The following MACROD2 variants were observed in gnomAD, a reference collection of about 807,000 sequenced individuals.
MACROD2 encodes mono-ADP ribosylhydrolase 2.
A neutral mutation model predicts 70.4 loss-of-function variants in MACROD2; 36 were observed. That is an observed-to-expected ratio of 0.51 (90% CI 0.39 to 0.68). The LOEUF (loss-of-function observed/expected upper bound fraction) is 0.68, where lower values mean the gene tolerates loss of function less well. Among genes scored for constraint, MACROD2 ranks in the 30% least tolerant of loss-of-function variants. The pLI, the probability that MACROD2 is intolerant of heterozygous loss-of-function variation, is 0.00. For missense variants in MACROD2, 496 were observed against 538.4 expected, an observed-to-expected ratio of 0.92 and a Z score of 0.78; for synonymous variants, 172 against 178.8, an observed-to-expected ratio of 0.96 and a Z score of 0.30.
At chr20:15,305,680 C>T (rs2077691096) in intron 6 of MACROD2, among the ~76,000 whole-genome samples, 2 of 151,948 alleles carry the variant, frequency 1.3e-5, no homozygotes, top group South Asian at 4.1e-4. Context: ...TGTGCGCGCA[C>T]ACATGTGTGT....
chr20:15,001,943 GCC>G (rs1180204834), intron 5 of MACROD2, among the ~76,000 whole-genome samples: 4 of 147,374 alleles, frequency 2.7e-5, no homozygotes, highest in African/African-American at 1.0e-4. Flanking sequence ...GCGTGTGCAT[GCC>G]CACACACACA....
chr20:14,839,152 A>G (rs933027490), intron 5 of MACROD2, among the ~76,000 whole-genome samples: 2 of 152,066 alleles, frequency 1.3e-5, no homozygotes, highest in African/African-American at 2.4e-5. Flanking sequence ...GGAGAAGTGC[A>G]TATTATCCAT....
At chr20:15,139,762 A>C (rs1316660116) in intron 5 of MACROD2, among the ~76,000 whole-genome samples, 1 of 152,182 alleles carries the variant, frequency 6.6e-6, no homozygotes, top group East Asian at 1.9e-4. Flanking sequence ...GTGTCAATAC[A>C]CCTTGGCTCA....
At chr20:15,937,587 A>G (rs2065684735) in intron 12 of MACROD2, 43 bp downstream of exon 12, 1 of 1,568,934 alleles carries the variant, frequency 6.4e-7, no homozygotes, top group Admixed American at 1.7e-5. Context: ...AGACTCTTAA[A>G]AGAGACTGTT....
At chr20:14,863,299 G>T (rs1320931178) in intron 5 of MACROD2, among the ~76,000 whole-genome samples, 7 of 152,102 alleles carry the variant, frequency 4.6e-5, no homozygotes, top group African/African-American at 1.7e-4. Flanking sequence ...ATTTCACATT[G>T]TAGATTTCTT....
chr20:15,797,970 A>G (rs1376946796), intron 8 of MACROD2, among the ~76,000 whole-genome samples: 2 of 152,230 alleles, frequency 1.3e-5, no homozygotes, highest in African/African-American at 2.4e-5. Context: ...TATAGTAAAT[A>G]TCTTATTTTT....
intron 5 of MACROD2, among the ~76,000 whole-genome samples, chr20:14,819,298 C>A (rs541855606): frequency 1.1e-4 from 17 of 151,156 alleles, no homozygotes; most frequent in South Asian, 1.0e-3. Context: ...AAACAAAAAA[C>A]CCCCAAAAAA....
At chr20:14,554,269 A>G (rs572193311) in intron 4 of MACROD2, 4 of 152,292 alleles carry the variant, frequency 2.6e-5, no homozygotes, top group South Asian at 2.1e-4. Flanking sequence ...AATGAGGTCA[A>G]TAATGACTGC....
intron 8 of MACROD2, among the ~76,000 whole-genome samples, chr20:15,594,730 T>A (rs899448735): frequency 2.6e-5 from 4 of 152,258 alleles, no homozygotes; most frequent in African/African-American, 9.6e-5. Flanking sequence ...TTGATTTGTG[T>A]TTTCAAATTT....
chr20:15,798,812 G>A lies in MACROD2; in HGVS notation c.646-63933G>A, dbSNP rs192041166. 2.6e-5 allele frequency among the ~76,000 whole-genome samples: 4 copies of A among 152,274 alleles called. No homozygotes were observed. The East Asian group carries it at 7.7e-4, about 29-fold the overall frequency. Reference sequence around the variant, plus strand: ...GGTCTATCAGAGCATGATATGGGAGGATTTCTGGGTATGACCACTAAGTTT... The same window carrying A: ...GGTCTATCAGAGCATGATATGGGAGAATTTCTGGGTATGACCACTAAGTTT... On this transcript the variant is annotated intron_variant, in intron 8 of 17. Coordinates refer to ENST00000684519, the MANE Select transcript of MACROD2 (RefSeq NM_001351661.2).
At chr20:14,932,094 C>A (rs1281140530) in intron 5 of MACROD2, among the ~76,000 whole-genome samples, 2 of 151,586 alleles carry the variant, frequency 1.3e-5, no homozygotes, top group Admixed American at 1.3e-4. Context: ...ATAAAGGAAG[C>A]ATAATAGAGA....
At chr20:15,310,180 A>AAAGCCTGG (rs2077737190) in intron 6 of MACROD2, among the ~76,000 whole-genome samples, 1 of 152,226 alleles carries the variant, frequency 6.6e-6, no homozygotes, top group African/African-American at 2.4e-5. Context: ...TGCCTGGCAG[A>AAAGCCTGG]AAGCCTGGGA....
At chr20:15,621,570 T>C (rs1425499438) in intron 8 of MACROD2, among the ~76,000 whole-genome samples, 3 of 152,252 alleles carry the variant, frequency 2.0e-5, no homozygotes, top group Non-Finnish European at 2.9e-5. Flanking sequence ...TGTGATACTA[T>C]AACTAGTAAC....
At chr20:15,630,288 C>T (rs937948927) in intron 8 of MACROD2, among the ~76,000 whole-genome samples, 2 of 152,214 alleles carry the variant, frequency 1.3e-5, no homozygotes, top group Non-Finnish European at 2.9e-5. Context: ...GACAAAACTT[C>T]TGTGCTCTCT....
intron 5 of MACROD2, among the ~76,000 whole-genome samples, chr20:14,878,555 G>C (rs1422142488): frequency 2.6e-5 from 4 of 152,104 alleles, no homozygotes; most frequent in Non-Finnish European, 5.9e-5. Flanking sequence ...ACTCAGGATA[G>C]GGGACCATAG....
At chr20:14,185,757 T>A (rs1259941873) in intron 3 of MACROD2, among the ~76,000 whole-genome samples, 1 of 152,200 alleles carries the variant, frequency 6.6e-6, no homozygotes, top group East Asian at 1.9e-4. Flanking sequence ...CTAATCTTTT[T>A]AACTTTCAGT....
At chr20:14,312,631 C>G (rs937238382) in intron 3 of MACROD2, among the ~76,000 whole-genome samples, 7 of 152,156 alleles carry the variant, frequency 4.6e-5, no homozygotes, top group African/African-American at 1.7e-4. Flanking sequence ...ATTTCAGAAT[C>G]TACACAATTA....
At chr20:15,782,717 C>CAAAAAAAAAAAAAAAAAAAAAAAAAAAA (rs11472322) in intron 8 of MACROD2, among the ~76,000 whole-genome samples, 2 of 83,356 alleles carry the variant, frequency 2.4e-5, no homozygotes, top group African/African-American at 4.1e-5. Flanking sequence ...AGAGAAATGG[C>CAAAAAAAAAAAAAAAAAAAAAAAAAAAA]AAAAAAAAAA....
chr20:14,293,232 T>C (rs1377453652), intron 3 of MACROD2, among the ~76,000 whole-genome samples: 2 of 150,854 alleles, frequency 1.3e-5, no homozygotes, highest in Non-Finnish European at 2.9e-5. Context: ...GATATAGCAG[T>C]GAACAATAGG....
Sources: gnomAD v4.1 joint callset for allele counts (sites outside exome capture counted in the v4.1 genomes callset) on GRCh38, gnomAD v4.1.1 for gene constraint, MANE v1.5 for transcripts, NCBI Gene and HGNC (gene_info 2026-07-23, HGNC 2026-07-21) for gene names.